PRKCH: variants seen among roughly 807,000 people sequenced by gnomAD.
PRKCH encodes protein kinase C eta type.
In PRKCH, 28 loss-of-function variants were observed where a neutral mutation model predicts 82.5. The observed-to-expected ratio is 0.34, with a 90% CI of 0.25 to 0.47. The LOEUF (loss-of-function observed/expected upper bound fraction) is 0.47, where lower values mean the gene tolerates loss of function less well. Among genes scored for constraint, PRKCH ranks in the 20% least tolerant of loss-of-function variants. The probability of loss-of-function intolerance (pLI) is 1.00; values close to 1 mark genes in which losing one functional copy is unlikely to be tolerated. For synonymous variants in PRKCH, 322 were observed against 327.4 expected (o/e 0.98, Z 0.18); for missense variants, 705 against 881.8 (o/e 0.80, Z 2.54).
At chr14:61,364,712 G>A (rs919199073) in intron 1 of PRKCH, among the ~76,000 whole-genome samples, 1 of 151,952 alleles carries the variant, frequency 6.6e-6, no homozygotes, top group African/African-American at 2.4e-5. Context: ...GGTGGTGTGT[G>A]CCTGTAGTCC....
intron 9 of PRKCH, among the ~76,000 whole-genome samples, chr14:61,469,304 A>G (rs1199129074): frequency 1.3e-5 from 2 of 152,262 alleles, no homozygotes; most frequent in Admixed American, 1.3e-4. Context: ...AGAAAAGTGT[A>G]CAGTAGATAG....
At chr14:61,188,616 GTGT>G (rs542834920) in intron 1 of PRKCH, among the ~76,000 whole-genome samples, 4,376 of 34,260 alleles carry the variant, frequency 0.13, 887 homozygotes, top group Admixed American at 0.2. Context: ...GGTGTGGTGT[GTGT>G]GTGTGTGTGT....
At chr14:61,496,745 T>C (rs183653870) in intron 10 of PRKCH, among the ~76,000 whole-genome samples, 1 of 152,348 alleles carries the variant, frequency 6.6e-6, no homozygotes, top group East Asian at 1.9e-4. Flanking sequence ...GTTCATGGAA[T>C]TGACCAAGGC....
chr14:61,323,182 C>T (rs368761590), intron 1 of PRKCH, among the ~76,000 whole-genome samples: 2 of 152,190 alleles, frequency 1.3e-5, no homozygotes, highest in South Asian at 2.1e-4. Flanking sequence ...TGTCTTCCCT[C>T]CCCCCATCAC....
chr14:61,526,460 C>A (rs1486135860), intron 10 of PRKCH, among the ~76,000 whole-genome samples: 1 of 152,194 alleles, frequency 6.6e-6, no homozygotes, highest in Non-Finnish European at 1.5e-5. Flanking sequence ...ATTGGGGATT[C>A]CTGGAATACC....
At chr14:61,334,246 G>A (rs1174639849) in intron 1 of PRKCH, among the ~76,000 whole-genome samples, 10 of 152,086 alleles carry the variant, frequency 6.6e-5, no homozygotes, top group Non-Finnish European at 1.3e-4. Context: ...TTACAGGTAG[G>A]GCAGAGAACG....
intron 1 of PRKCH, among the ~76,000 whole-genome samples, chr14:61,380,989 C>A (rs899651105): frequency 1.3e-5 from 2 of 152,096 alleles, no homozygotes; most frequent in African/African-American, 4.8e-5. Context: ...GTCTGTTCAG[C>A]TGGGAGGGGA....
At position 61,280,018 on chromosome 14, in the gene PRKCH, G is replaced by A; in HGVS notation, c.-19+92350G>A. The A allele has an allele frequency of 7.6e-7, 1 of 1,323,972 alleles. No individual in the cohort carries two copies. The highest frequency in any genetic ancestry group is 1.0e-6 in the Non-Finnish European group (1 of 973,110). 82.0% of individuals were successfully genotyped at this position (1,323,972 alleles called of 1,614,324 possible). ...TAGGCGAGGTTGGAATTGGGTGACG[G>A]GCGAGGAGGAGATGCCAAAAGCACC... On this transcript the variant is annotated intron_variant, in intron 1 of 3. Transcript: ENST00000555185. This position sits in a 1 kb window ranked among gnomAD's most constrained non-coding sequence, Gnocchi z 5.0.
intron 1 of PRKCH, among the ~76,000 whole-genome samples, chr14:61,360,058 A>G (rs577169778): frequency 3.4e-4 from 52 of 152,358 alleles, no homozygotes; most frequent in Admixed American, 1.4e-3. Context: ...TCATCTTATC[A>G]TTAGAGCATG....
chr14:61,505,310 G>A (rs192793421), intron 10 of PRKCH, among the ~76,000 whole-genome samples: 171 of 151,684 alleles, frequency 1.1e-3, no homozygotes, highest in African/African-American at 3.7e-3. Flanking sequence ...CTTGGTTCAC[G>A]GATAGCTGCC....
chr14:61,516,613 C>A (rs1021621449), intron 10 of PRKCH, among the ~76,000 whole-genome samples: 2 of 152,054 alleles, frequency 1.3e-5, no homozygotes, highest in African/African-American at 4.8e-5. Context: ...GTGCTGGGGC[C>A]GGAGTGAGTG....
intron 1 of PRKCH, among the ~76,000 whole-genome samples, chr14:61,380,839 G>T (rs1458914662): frequency 6.6e-6 from 1 of 152,106 alleles, no homozygotes; most frequent in African/African-American, 2.4e-5. Flanking sequence ...TTTACTACGG[G>T]CAGAAAAACT....
At chr14:61,231,141 A>G (rs998866147) in intron 1 of PRKCH, among the ~76,000 whole-genome samples, 4 of 152,200 alleles carry the variant, frequency 2.6e-5, no homozygotes, top group African/African-American at 4.8e-5. Flanking sequence ...CCAACACTGA[A>G]CAGCTAGCTG....
chr14:61,488,959 A>C (rs1271978192), intron 10 of PRKCH, among the ~76,000 whole-genome samples: 2 of 152,198 alleles, frequency 1.3e-5, no homozygotes, highest in East Asian at 3.8e-4. Flanking sequence ...TGAAGGGAAC[A>C]CAGTTAATTA....
intron 10 of PRKCH, among the ~76,000 whole-genome samples, chr14:61,503,303 T>C: frequency 6.6e-6 from 1 of 151,856 alleles, no homozygotes; most frequent in Admixed American, 6.5e-5. Flanking sequence ...GTTTTTTTTT[T>C]TTTTTTCCTG....
chr14:61,528,973 C>CGTGTGT (rs57920054), intron 10 of PRKCH, 102 bp from the exon 11 acceptor site: 56,898 of 559,440 alleles, frequency 0.1, 1,444 homozygotes, highest in East Asian at 0.15. Flanking sequence ...TGTGGCCGCA[C>CGTGTGT]GTGTGTGTGT....
chr14:61,336,086 A>C (rs1324665902), intron 1 of PRKCH, among the ~76,000 whole-genome samples: 1 of 152,246 alleles, frequency 6.6e-6, no homozygotes, highest in Non-Finnish European at 1.5e-5. Flanking sequence ...AGGGCATGAC[A>C]TATACTACCG....
At chr14:61,463,521 G>A (rs1409429530) in intron 9 of PRKCH, among the ~76,000 whole-genome samples, 5 of 151,982 alleles carry the variant, frequency 3.3e-5, no homozygotes, top group African/African-American at 4.8e-5. Flanking sequence ...GTATATAAAT[G>A]GGCATCCTTA....
chr14:61,547,299 G>A (rs1053421261), intron 12 of PRKCH, among the ~76,000 whole-genome samples: 5 of 152,044 alleles, frequency 3.3e-5, no homozygotes, highest in Admixed American at 6.5e-5. Context: ...CTGTGGTCTC[G>A]TCAGAGAGCA....
Sources: gnomAD v4.1 joint callset for allele counts (sites outside exome capture counted in the v4.1 genomes callset) on GRCh38, gnomAD v4.1.1 for gene constraint, Gnocchi (gnomAD v3.1) non-coding constraint, MANE v1.5 for transcripts, NCBI Gene and HGNC (gene_info 2026-07-23, HGNC 2026-07-21) for gene names.